The following LAMA2 variants were observed in gnomAD, a reference collection of about 807,000 sequenced individuals.
LAMA2 encodes the protein laminin subunit alpha-2.
In LAMA2, 269 loss-of-function variants were observed where a neutral mutation model predicts 364.8. That is an observed-to-expected ratio of 0.74 (90% CI 0.67 to 0.82). The LOEUF (loss-of-function observed/expected upper bound fraction) is 0.82, where lower values mean the gene tolerates loss of function less well. Ranked by LOEUF, LAMA2 falls within the 40% of genes least tolerant of loss-of-function variation. The pLI is 0.00. For synonymous variants in LAMA2, 1,379 were observed against 1,370.6 expected (o/e 1.01, Z -0.14); for missense variants, 3,807 against 3,873.2 (o/e 0.98, Z 0.45).
chr6:128,927,417 A>C (rs1398079284), intron 1 of LAMA2, among the ~76,000 whole-genome samples: 2 of 152,202 alleles, frequency 1.3e-5, no homozygotes, highest in African/African-American at 2.4e-5. Context: ...AGTCTCATCT[A>C]GGCACACAGA....
chr6:129,369,167 A>C (rs1649045792), intron 33 of LAMA2, among the ~76,000 whole-genome samples: 1 of 152,158 alleles, frequency 6.6e-6, no homozygotes, highest in Admixed American at 6.5e-5. Flanking sequence ...ATAAGGAGGC[A>C]GTGTTCATTC....
intron 43 of LAMA2, among the ~76,000 whole-genome samples, chr6:129,441,810 C>A (rs1404224759): frequency 3.3e-5 from 5 of 151,992 alleles, no homozygotes; most frequent in African/African-American, 1.2e-4. Context: ...AAGACCCCAT[C>A]TTTACAAAAA....
chr6:128,940,759 C>T (rs1315883991), intron 1 of LAMA2, among the ~76,000 whole-genome samples: 2 of 152,044 alleles, frequency 1.3e-5, no homozygotes, highest in African/African-American at 4.8e-5. Context: ...CAAGGCCAGC[C>T]TGGGTAGCAC....
At chr6:129,380,980 AAG>A in intron 34 of LAMA2, among the ~76,000 whole-genome samples, 1 of 152,344 alleles carries the variant, frequency 6.6e-6, no homozygotes, top group Non-Finnish European at 1.5e-5. Context: ...CAGAATTTAA[AAG>A]AGACAGTGTA....
chr6:128,982,048 C>T (rs1782920967), intron 1 of LAMA2, among the ~76,000 whole-genome samples: 1 of 152,114 alleles, frequency 6.6e-6, no homozygotes, highest in African/African-American at 2.4e-5. Flanking sequence ...CTGCATTGCT[C>T]CTTGAGGTAG....
chr6:129,374,496 A>G (rs1367328714), intron 34 of LAMA2, among the ~76,000 whole-genome samples: 1 of 152,158 alleles, frequency 6.6e-6, no homozygotes, highest in Admixed American at 6.5e-5. Flanking sequence ...GATTATACTG[A>G]TAAAGAATTA....
At chr6:129,063,766 G>C (rs1275576217) in intron 3 of LAMA2, among the ~76,000 whole-genome samples, 2 of 152,126 alleles carry the variant, frequency 1.3e-5, no homozygotes, top group Non-Finnish European at 2.9e-5. Flanking sequence ...ATCTTGCAGA[G>C]AAAAATTTGT....
chr6:129,316,402 G>A (rs1378975383), intron 27 of LAMA2, among the ~76,000 whole-genome samples: 11 of 152,274 alleles, frequency 7.2e-5, no homozygotes, highest in Non-Finnish European at 2.9e-5. Context: ...GGAATTCACT[G>A]CAGACATAGT....
At position 128,958,568 on chromosome 6, in the gene LAMA2, A is replaced by G. The variant is rs953192655; in HGVS notation, c.112+75211A>G. Among the ~76,000 whole-genome samples, 49 of 152,134 alleles carry G rather than the reference A, an allele frequency of 3.2e-4. 1 individual carries two copies. Among genetic ancestry groups the G allele is most frequent in the African/African-American group, 1.1e-3 (46 of 41,528 alleles). ...ATATTTATATTTATTCTGCACCTTC[A>G]CCCTCATCATCATCCTTACAATAGG... is the stretch of plus-strand genomic sequence containing the variant. On this transcript the variant is annotated intron_variant, in intron 1 of 64. Coordinates refer to ENST00000421865, the MANE Select transcript of LAMA2 (RefSeq NM_000426.4).
chr6:129,169,431 T>C (rs1262960400), intron 9 of LAMA2, among the ~76,000 whole-genome samples: 4 of 148,264 alleles, frequency 2.7e-5, no homozygotes, highest in African/African-American at 1.0e-4. Context: ...ATGTGGTTTT[T>C]GTCTTTGGCT....
chr6:129,173,175 T>G (rs1302302224), intron 9 of LAMA2, among the ~76,000 whole-genome samples: 5 of 152,246 alleles, frequency 3.3e-5, no homozygotes, highest in Non-Finnish European at 5.9e-5. Context: ...GCTGTTCCTA[T>G]TGGGCCATGT....
At chr6:129,219,831 G>A (rs1445143001) in intron 12 of LAMA2, among the ~76,000 whole-genome samples, 1 of 147,012 alleles carries the variant, frequency 6.8e-6, no homozygotes, top group Admixed American at 6.8e-5. Flanking sequence ...CTGTTGTGGG[G>A]TGGGGGGGAG....
chr6:128,893,834 A>G (rs747232739), intron 1 of LAMA2, among the ~76,000 whole-genome samples: 14 of 152,114 alleles, frequency 9.2e-5, no homozygotes, highest in Non-Finnish European at 1.9e-4. Context: ...CAAAAAGAAC[A>G]TAACTTTATG....
intron 4 of LAMA2, among the ~76,000 whole-genome samples, chr6:129,139,654 G>A (rs1467597531): frequency 6.6e-6 from 1 of 152,040 alleles, no homozygotes; most frequent in East Asian, 1.9e-4. Flanking sequence ...TTTTTACACA[G>A]TCAAAATAAA....
chr6:129,210,928 T>A (rs1381708534), intron 12 of LAMA2, among the ~76,000 whole-genome samples: 2 of 152,122 alleles, frequency 1.3e-5, no homozygotes, highest in African/African-American at 4.8e-5. Flanking sequence ...CTTGTTACAG[T>A]GGCCAGTAGG....
chr6:129,328,813 AT>A (rs1163731643), intron 29 of LAMA2, among the ~76,000 whole-genome samples: 29 of 152,294 alleles, frequency 1.9e-4, no homozygotes, highest in African/African-American at 7.0e-4. Flanking sequence ...TTTCCCACCA[AT>A]TTTTACATGT....
At chr6:129,044,174 G>GCA (rs1562182757) in intron 1 of LAMA2, among the ~76,000 whole-genome samples, 5 of 124,784 alleles carry the variant, frequency 4.0e-5, no homozygotes, top group Non-Finnish European at 8.2e-5. Context: ...TTTGCTGTGT[G>GCA]TATATATATA....
At chr6:129,214,930 A>T (rs972404135) in intron 12 of LAMA2, among the ~76,000 whole-genome samples, 5 of 151,914 alleles carry the variant, frequency 3.3e-5, no homozygotes, top group Non-Finnish European at 7.4e-5. Context: ...CATTTATTTA[A>T]TTTTTCTTTG....
chr6:129,499,891 A>AT (rs1466547978), intron 58 of LAMA2, among the ~76,000 whole-genome samples: 1 of 150,964 alleles, frequency 6.6e-6, no homozygotes, highest in African/African-American at 2.5e-5. Context: ...CTAATTTTTT[A>AT]TTTTTTTAAT....
Sources: allele counts gnomAD v4.1 joint callset (sites outside exome capture counted in the v4.1 genomes callset), GRCh38; gene constraint gnomAD v4.1.1; transcripts MANE v1.5; gene names NCBI Gene and HGNC (gene_info 2026-07-23, HGNC 2026-07-21).